Variants in STAG2 observed in about 807,000 individuals in gnomAD.
The protein encoded by STAG2 is STAG2 cohesin complex component.
In STAG2, 14 loss-of-function variants were observed where a neutral mutation model predicts 108.1. The ratio of observed to expected loss-of-function variants is 0.13; its 90% CI spans 0.09 to 0.20. The LOEUF (loss-of-function observed/expected upper bound fraction) is 0.20. Ranked by LOEUF, STAG2 falls within the 10% of genes least tolerant of loss-of-function variation. The pLI, the probability that STAG2 is intolerant of heterozygous loss-of-function variation, is 1.00. For missense variants in STAG2, 440 were observed against 940.9 expected (o/e 0.47, Z 6.96); for synonymous variants, 307 against 302.7 (o/e 1.01, Z -0.15).
intron 25 of STAG2, among the ~76,000 whole-genome samples, chrX:124,075,796 T>C (rs910049029): frequency 8.9e-6 from 1 of 111,845 alleles, no homozygotes; most frequent in Non-Finnish European, 1.9e-5. Context: ...TCTTGAGAAT[T>C]GAATGTCAAG....
chrX:123,976,798 A>G (rs186363686), intron 1 of STAG2, among the ~76,000 whole-genome samples: 26 of 112,012 alleles, frequency 2.3e-4, no homozygotes, highest in African/African-American at 7.4e-4. Context: ...CACTTAGCTA[A>G]TAAGTGGCCA....
chrX:124,064,137 G>GGT (rs1451026602), intron 20 of STAG2, 86 bp downstream of exon 20: 26 of 668,249 alleles, frequency 3.9e-5, no homozygotes, highest in Non-Finnish European at 5.9e-5. Flanking sequence ...GTTAAGTCTT[G>GGT]GTGATAGTCC....
chrX:124,022,609 TC>T lies in STAG2; in HGVS notation c.-17del, dbSNP rs2056968399. On this transcript the variant is annotated 5_prime_UTR_variant, in exon 3 of 35. It removes the in-frame stop codon of an upstream open reading frame in the 5' UTR. Transcript: ENST00000371145. The stretch of plus-strand genomic sequence containing the variant: ...GAATATATTTCTGACATTGAGGTGT[TC>T]CAGAAGATGATAAAGAAATGATAGC... 1 of 1,164,565 alleles carries T rather than the reference TC, an allele frequency of 8.6e-7. No individual in the cohort carries two copies. Among genetic ancestry groups the T allele is most frequent in the African/African-American group, 1.8e-5 (1 of 55,048 alleles).
Position 124,054,082 on chromosome X carries a change from A to G in STAG2, c.1197-2046A>G, listed in dbSNP as rs140469105. 3.7e-4 allele frequency among the ~76,000 whole-genome samples: 42 copies of G among 112,212 alleles called. 1 individual carries two copies. In the East Asian group the frequency reaches 7.2e-3, roughly 19 times the overall value. ...GCTATGACGTAACAGGCCCTTTTAC[A>G]TTGTTGATGGGAGTATAAATTGGTC... On this transcript the variant is annotated intron_variant, in intron 13 of 34. Coordinates refer to ENST00000371145, the MANE Select transcript of STAG2 (RefSeq NM_001042750.2).
At position 123,984,008 on chromosome X, in the gene STAG2, C is replaced by T. The variant is rs191691923; in HGVS notation, c.-163+22152C>T. 6.7e-3 allele frequency among the ~76,000 whole-genome samples: 360 copies of T among 53,564 alleles called. 2 individuals are homozygous for T. Among genetic ancestry groups the T allele is most frequent in the African/African-American group, 0.033 (331 of 9,999 alleles). 46.5% of individuals were successfully genotyped at this position (53,564 alleles called of 115,157 possible). On this transcript the variant is annotated intron_variant, in intron 1 of 34. Transcript: ENST00000371145. ...TTTTTTTTTTTTTGAGACGGGGTTT[C>T]GCTCTTGTTGCCCAGGCTGGAGTAC...
chrX:124,075,467 T>C (rs2058776204), intron 25 of STAG2, among the ~76,000 whole-genome samples: 1 of 111,627 alleles, frequency 9.0e-6, no homozygotes, highest in Non-Finnish European at 1.9e-5. Context: ...AGAGATGGGG[T>C]TTCACCATGT....
At chrX:124,058,838 T>G (rs369648683) in intron 15 of STAG2, among the ~76,000 whole-genome samples, 3 of 112,295 alleles carry the variant, frequency 2.7e-5, no homozygotes, top group African/African-American at 9.7e-5. Context: ...ATTATTTAAT[T>G]AGTGATCAGG....
At chrX:124,020,869 G>A (rs1436992819) in intron 1 of STAG2, among the ~76,000 whole-genome samples, 1 of 111,464 alleles carries the variant, frequency 9.0e-6, no homozygotes, top group Non-Finnish European at 1.9e-5. Context: ...ACAGGGTTTC[G>A]CCATGTTGGC....
chrX:124,084,178 T>G (rs1018063057), intron 29 of STAG2, among the ~76,000 whole-genome samples: 1 of 111,746 alleles, frequency 8.9e-6, no homozygotes, highest in Admixed American at 9.6e-5. Context: ...GTAAATAATC[T>G]TGTCTGAAAA....
chrX:124,020,218 A>G (rs1231821791), intron 1 of STAG2, among the ~76,000 whole-genome samples: 1 of 112,214 alleles, frequency 8.9e-6, no homozygotes, highest in Non-Finnish European at 1.9e-5. Context: ...TGCATTCTTT[A>G]TATTCATCAC....
chrX:123,972,789 C>T (rs78550842), intron 1 of STAG2, among the ~76,000 whole-genome samples: 3,148 of 91,745 alleles, frequency 0.034, 56 homozygotes, highest in Non-Finnish European at 0.047. Flanking sequence ...GAGGCTGAGG[C>T]TGGTGGATCA....
At chrX:123,974,741 G>A (rs2054543661) in intron 1 of STAG2, among the ~76,000 whole-genome samples, 1 of 108,788 alleles carries the variant, frequency 9.2e-6, no homozygotes, top group Non-Finnish European at 1.9e-5. Flanking sequence ...ACCACGCCTG[G>A]CTAATTTTTG....
chrX:124,086,896 T>TAA, intron 30 of STAG2, 126 bp downstream of exon 30: 1 of 582,988 alleles, frequency 1.7e-6, no homozygotes, highest in Non-Finnish European at 2.6e-6. Flanking sequence ...GTTCATTATG[T>TAA]GTAAACATGC....
intron 5 of STAG2, among the ~76,000 whole-genome samples, chrX:124,034,875 G>GTTATTATTATTA (rs763637231): frequency 2.0e-5 from 2 of 99,883 alleles, no homozygotes; most frequent in African/African-American, 3.6e-5. Context: ...TGTTGTTGTT[G>GTTATTATTATTA]TTGTTATTAT....
At chrX:123,977,798 C>T (rs1309341140) in intron 1 of STAG2, among the ~76,000 whole-genome samples, 1 of 102,114 alleles carries the variant, frequency 9.8e-6, no homozygotes, top group African/African-American at 3.6e-5. Context: ...GTGTTGGAGC[C>T]TTAATGTGAA....
At chrX:123,978,267 G>GT (rs1212641041) in intron 1 of STAG2, among the ~76,000 whole-genome samples, 1 of 107,631 alleles carries the variant, frequency 9.3e-6, no homozygotes, top group African/African-American at 3.4e-5. Context: ...CATCACCTAG[G>GT]TATTAAGCCC....
intron 1 of STAG2, among the ~76,000 whole-genome samples, chrX:123,989,848 C>T (rs780706044): frequency 9.0e-5 from 10 of 110,571 alleles, no homozygotes; most frequent in Non-Finnish European, 1.5e-4. Context: ...GTGATCCACC[C>T]ACCTCAGCCT....
In STAG2 at chrX:124,077,085, A is replaced by G. The variant is rs756896912; in HGVS notation, c.2673+614A>G. ...TAGCTTAAAAATCCTTCCTCAACTAAAATCTAATTATAAATGTAAACTTTT... is the reference window on the plus strand; with the variant it reads ...TAGCTTAAAAATCCTTCCTCAACTAGAATCTAATTATAAATGTAAACTTTT... On this transcript the variant is annotated intron_variant, in intron 26 of 34. Transcript: ENST00000371145. Among the ~76,000 whole-genome samples, 5 of 111,677 alleles carry G rather than the reference A, an allele frequency of 4.5e-5. No homozygotes were observed. In the South Asian group the frequency reaches 1.9e-3, roughly 41 times the overall value.
intron 1 of STAG2, among the ~76,000 whole-genome samples, chrX:123,971,764 C>T (rs1243116038): frequency 9.0e-6 from 1 of 111,626 alleles, no homozygotes; most frequent in Non-Finnish European, 1.9e-5. Context: ...TTACCATTTT[C>T]TTAGGCAGAA....
Sources: gnomAD v4.1 joint callset for allele counts (sites outside exome capture counted in the v4.1 genomes callset) on GRCh38, gnomAD v4.1.1 for gene constraint, MANE v1.5 for transcripts, NCBI Gene and HGNC (gene_info 2026-07-23, HGNC 2026-07-21) for gene names.